Variants in VAV2 observed in about 807,000 individuals in gnomAD.
VAV2 encodes the protein vav guanine nucleotide exchange factor 2.
VAV2 carries 67 observed loss-of-function variants against 132.5 expected under a neutral mutation model. That is an observed-to-expected ratio of 0.51 (90% CI 0.42 to 0.62). The LOEUF (loss-of-function observed/expected upper bound fraction) is 0.62, where lower values mean the gene tolerates loss of function less well. Ranked by LOEUF, VAV2 falls within the 20% of genes least tolerant of loss-of-function variation. VAV2 has a pLI of 0.00. For missense variants in VAV2, 938 were observed against 1,153.6 expected, an observed-to-expected ratio of 0.81 and a Z score of 2.71; for synonymous variants, 492 against 443.5, an observed-to-expected ratio of 1.11 and a Z score of -1.37.
At chr9:133,959,240 T>G (rs1202673713) in intron 1 of VAV2, among the ~76,000 whole-genome samples, 1 of 152,152 alleles carries the variant, frequency 6.6e-6, no homozygotes, top group Non-Finnish European at 1.5e-5. Context: ...GCCAAGCCCC[T>G]GGCTGTCACC....
chr9:133,787,295 G>A (rs749866683), intron 15 of VAV2, 35 bp from the exon 16 acceptor site: 30 of 1,563,880 alleles, frequency 1.9e-5, no homozygotes, highest in African/African-American at 2.7e-5. Context: ...AGGGGAAGAC[G>A]GTCAGTGAGA....
At chr9:133,971,824 C>G (rs908890183) in intron 1 of VAV2, among the ~76,000 whole-genome samples, 1 of 152,158 alleles carries the variant, frequency 6.6e-6, no homozygotes, top group Non-Finnish European at 1.5e-5. Flanking sequence ...GGGCTTCCCC[C>G]AACAGAAAGG....
rs761876742 is a variant in VAV2, at chr9:133,780,751, G to A, written c.1724-41C>T. Reference sequence around the variant, plus strand: ...GTCAGGTGTTAGAGGGGAGGCCACCGACGCCAAGGCCCCGTGCAGCTCTCA... The same window carrying A: ...GTCAGGTGTTAGAGGGGAGGCCACCAACGCCAAGGCCCCGTGCAGCTCTCA... On this transcript the variant is annotated intron_variant, in intron 19 of 29. Transcript: ENST00000371850. The A allele has an allele frequency of 5.5e-6, 7 of 1,263,116 alleles. No homozygotes were observed. The Admixed American group carries it at 2.1e-4, about 38-fold the overall frequency. The allele number at this position is 1,263,116 out of a possible 1,614,324, so 78.2% of individuals were successfully genotyped here.
intron 25 of VAV2, 110 bp from the exon 26 acceptor site, chr9:133,772,156 GC>G: frequency 1.1e-6 from 1 of 905,346 alleles, no homozygotes; most frequent in Non-Finnish European, 1.8e-6. Context: ...CTCGTCCCTG[GC>G]CCCCAGGGCC....
rs758369227 is a variant in VAV2 at position 133,774,917 on chromosome 9, C to T, written c.2135+18G>A. 4 of 1,605,184 alleles carry T rather than the reference C, an allele frequency of 2.5e-6. No individual in the cohort carries two copies. Among genetic ancestry groups the T allele is most frequent in the Non-Finnish European group, 3.4e-6 (4 of 1,174,616 alleles). On this transcript the variant is annotated intron_variant, in intron 25 of 29. Coordinates refer to ENST00000371850, the MANE Select transcript of VAV2 (RefSeq NM_001134398.2). ...GCATTGGGGGATGGGTCTCCTCGAGCCCAGAGCCGCCACTTACTTGATGCT... is the reference window on the plus strand; with the variant it reads ...GCATTGGGGGATGGGTCTCCTCGAGTCCAGAGCCGCCACTTACTTGATGCT...
chr9:133,830,185 C>A (rs7048856), intron 4 of VAV2, among the ~76,000 whole-genome samples: 2 of 152,016 alleles, frequency 1.3e-5, no homozygotes, highest in Admixed American at 6.5e-5. Context: ...GGGCAGTCAG[C>A]GGAGTCCTTT....
rs1836366324 is a variant in VAV2, at chr9:133,834,088, G to A, written c.449+184C>T. Among the ~76,000 whole-genome samples, 1 of 152,218 alleles carries A rather than the reference G, an allele frequency of 6.6e-6. No individual in the cohort carries two copies. The highest frequency in any genetic ancestry group is 1.5e-5 in the Non-Finnish European group (1 of 68,028). On this transcript the variant is annotated intron_variant, in intron 4 of 29. Coordinates refer to ENST00000371850, the MANE Select transcript of VAV2 (RefSeq NM_001134398.2). This position sits in a 1 kb window ranked among gnomAD's most constrained non-coding sequence, Gnocchi z 5.9. Reference sequence around the variant, plus strand: ...CATGTCTGAGGTCTCTCAGATGCATGCCTTCCCACTCAGCACGGAAGCCCA... The same window carrying A: ...CATGTCTGAGGTCTCTCAGATGCATACCTTCCCACTCAGCACGGAAGCCCA...
chr9:133,964,658 T>C (rs1483423121), intron 1 of VAV2, among the ~76,000 whole-genome samples: 1 of 152,194 alleles, frequency 6.6e-6, no homozygotes, highest in East Asian at 1.9e-4. Flanking sequence ...AATGCAAGGA[T>C]GGCTCAACAT....
chr9:133,806,022 G>A (rs1409280218), intron 9 of VAV2, 59 bp downstream of exon 9: 1 of 1,548,504 alleles, frequency 6.5e-7, no homozygotes, highest in Non-Finnish European at 8.8e-7. Context: ...TTCCACTTGT[G>A]TAAACTCTCC....
intron 1 of VAV2, among the ~76,000 whole-genome samples, chr9:133,956,560 G>C (rs751606200): frequency 7.9e-5 from 12 of 152,314 alleles, no homozygotes; most frequent in Admixed American, 4.6e-4. Flanking sequence ...GGAGGAGGGA[G>C]TCCTGGGAAT....
intron 2 of VAV2, among the ~76,000 whole-genome samples, chr9:133,937,992 G>T (rs1840988182): frequency 6.6e-6 from 1 of 152,234 alleles, no homozygotes. Flanking sequence ...GATCGCCCTT[G>T]TTCCAGGTCC....
intron 2 of VAV2, among the ~76,000 whole-genome samples, chr9:133,874,389 A>G (rs1003656913): frequency 6.6e-6 from 1 of 152,174 alleles, no homozygotes; most frequent in Non-Finnish European, 1.5e-5. Flanking sequence ...TCCCCTGTCC[A>G]CCAGGAAAAA....
chr9:133,896,105 T>G, intron 2 of VAV2, among the ~76,000 whole-genome samples: 1 of 83,306 alleles, frequency 1.2e-5, no homozygotes, highest in East Asian at 2.9e-4. Context: ...TGTCCCTGGG[T>G]ACTTAAGATT....
intron 12 of VAV2, among the ~76,000 whole-genome samples, chr9:133,793,892 T>A (rs1834600340): frequency 6.6e-6 from 1 of 152,146 alleles, no homozygotes; most frequent in African/African-American, 2.4e-5. Context: ...GCTGCATGAA[T>A]GACTTCCTAT....
At chr9:133,784,553 C>T in intron 17 of VAV2, 135 bp from the exon 18 acceptor site, 1 of 909,054 alleles carries the variant, frequency 1.1e-6, no homozygotes, top group Non-Finnish European at 1.8e-6. Context: ...CCAAGCCTGG[C>T]TCTGCCCGCA....
intron 4 of VAV2, among the ~76,000 whole-genome samples, chr9:133,812,728 G>A (rs921199630): frequency 6.6e-6 from 1 of 152,136 alleles, no homozygotes; most frequent in African/African-American, 2.4e-5. Context: ...AGGGTGACCC[G>A]GAGTTTGTCA....
At chr9:133,817,597 A>G (rs1835611345) in intron 4 of VAV2, among the ~76,000 whole-genome samples, 1 of 152,132 alleles carries the variant, frequency 6.6e-6, no homozygotes, top group Non-Finnish European at 1.5e-5. Flanking sequence ...GACAAGAGTG[A>G]AACTCTGTCT....
At chr9:133,990,469 C>T (rs938508858) in intron 1 of VAV2, among the ~76,000 whole-genome samples, 1 of 152,168 alleles carries the variant, frequency 6.6e-6, no homozygotes, top group Non-Finnish European at 1.5e-5. Context: ...GGGGCAGCCC[C>T]CGGACCCAGC....
At position 133,919,507 on chromosome 9, in the gene VAV2, G is replaced by A. The variant is rs76560369; in HGVS notation, c.321+19596C>T. On this transcript the variant is annotated intron_variant, in intron 2 of 29. Coordinates refer to ENST00000371850, the MANE Select transcript of VAV2 (RefSeq NM_001134398.2). The surrounding 1 kb of genome is among the most constrained non-coding windows in gnomAD (Gnocchi z 5.8). ...GCCCAGGGACTCACTGTCCCCCGGG[G>A]CCAGGTCGGCTGGCAATTTCTAGGC... Among the ~76,000 whole-genome samples the A allele has an allele frequency of 1.6e-3, 248 of 152,296 alleles. 5 individuals carry two copies. The East Asian group carries it at 0.044, about 27-fold the overall frequency.
Sources: gnomAD v4.1 joint callset for allele counts (sites outside exome capture counted in the v4.1 genomes callset) on GRCh38, gnomAD v4.1.1 for gene constraint, Gnocchi (gnomAD v3.1) non-coding constraint, MANE v1.5 for transcripts, NCBI Gene and HGNC (gene_info 2026-07-23, HGNC 2026-07-21) for gene names.